SFMBT2: variants seen among roughly 807,000 people sequenced by gnomAD.
SFMBT2 encodes the protein Scm like with four mbt domains 2.
A neutral mutation model predicts 110.1 loss-of-function variants in SFMBT2; 38 were observed. That is an observed-to-expected ratio of 0.35 (90% CI 0.27 to 0.45). The LOEUF (loss-of-function observed/expected upper bound fraction) is 0.45. Among genes scored for constraint, SFMBT2 ranks in the 20% least tolerant of loss-of-function variants. The pLI, the probability that SFMBT2 is intolerant of heterozygous loss-of-function variation, is 1.00. For missense variants in SFMBT2, 1,011 were observed against 1,094.9 expected, an observed-to-expected ratio of 0.92 and a Z score of 1.08; for synonymous variants, 425 against 425.4, an observed-to-expected ratio of 1.00 and a Z score of 0.01.
At chr10:7,387,873 G>A (rs977331966) in intron 1 of SFMBT2, among the ~76,000 whole-genome samples, 5 of 151,528 alleles carry the variant, frequency 3.3e-5, no homozygotes, top group African/African-American at 7.3e-5. Context: ...GCTTGAACCC[G>A]GGAGGCAGAG....
At chr10:7,255,336 GA>G (rs1840966242) in intron 7 of SFMBT2, among the ~76,000 whole-genome samples, 2 of 152,172 alleles carry the variant, frequency 1.3e-5, no homozygotes, top group African/African-American at 4.8e-5. Flanking sequence ...GCAATTATTG[GA>G]TCAAGAATGA....
At chr10:7,390,858 G>C (rs1845743209) in intron 1 of SFMBT2, among the ~76,000 whole-genome samples, 1 of 152,200 alleles carries the variant, frequency 6.6e-6, no homozygotes, top group Non-Finnish European at 1.5e-5. Context: ...CCAGCACTTT[G>C]GGAAGCTGAA....
At chr10:7,371,920 A>T (rs958517490) in intron 2 of SFMBT2, among the ~76,000 whole-genome samples, 24 of 77,742 alleles carry the variant, frequency 3.1e-4, no homozygotes, top group Admixed American at 5.7e-4. Flanking sequence ...TCCACCTGTA[A>T]TTTTTTTTTT....
In SFMBT2 at chr10:7,167,983, G is replaced by A. The variant is rs551552729; in HGVS notation, c.2544+2945C>T. On this transcript the variant is annotated intron_variant, in intron 20 of 20. Transcript: ENST00000397167. ...CTCAGGAGGCTGAGGCAGGAGAATC[G>A]CTTGAACCCGGGAGGCGGAGGTTGC... Among the ~76,000 whole-genome samples the A allele has an allele frequency of 6.6e-4, 101 of 152,036 alleles. 1 individual carries two copies. Among genetic ancestry groups the A allele is most frequent in the African/African-American group, 2.3e-3 (94 of 41,490 alleles).
intron 7 of SFMBT2, among the ~76,000 whole-genome samples, chr10:7,248,854 G>A (rs949103651): frequency 1.3e-5 from 2 of 152,166 alleles, no homozygotes; most frequent in Non-Finnish European, 2.9e-5. Flanking sequence ...CAAGGGAGAG[G>A]CAACAAGGCT....
At chr10:7,376,036 C>T (rs573021149) in intron 2 of SFMBT2, among the ~76,000 whole-genome samples, 2 of 152,294 alleles carry the variant, frequency 1.3e-5, no homozygotes, top group African/African-American at 4.8e-5. Flanking sequence ...TCCACTGAGG[C>T]TCACCCTGTC....
chr10:7,296,869 T>C (rs1466825150), intron 4 of SFMBT2, among the ~76,000 whole-genome samples: 1 of 152,224 alleles, frequency 6.6e-6, no homozygotes, highest in Non-Finnish European at 1.5e-5. Context: ...TGACCTCCCC[T>C]GAGCAAGAGG....
At chr10:7,231,656 T>C (rs955186872) in intron 9 of SFMBT2, among the ~76,000 whole-genome samples, 2 of 152,150 alleles carry the variant, frequency 1.3e-5, no homozygotes, top group African/African-American at 4.8e-5. Flanking sequence ...AATTTCTAGA[T>C]AAAATCAAGT....
chr10:7,386,585 G>C (rs539426995), intron 1 of SFMBT2, among the ~76,000 whole-genome samples: 1 of 152,214 alleles, frequency 6.6e-6, no homozygotes, highest in Non-Finnish European at 1.5e-5. Context: ...TCCAGCCTAG[G>C]AGTCGGAGCA....
At chr10:7,260,713 A>T (rs1841166045) in intron 7 of SFMBT2, among the ~76,000 whole-genome samples, 1 of 152,092 alleles carries the variant, frequency 6.6e-6, no homozygotes, top group Admixed American at 6.6e-5. Flanking sequence ...CCCAGTGCAG[A>T]CAGTTATTTG....
At chr10:7,213,495 G>A (rs915507270) in intron 11 of SFMBT2, among the ~76,000 whole-genome samples, 15 of 152,190 alleles carry the variant, frequency 9.9e-5, no homozygotes, top group Non-Finnish European at 1.9e-4. Flanking sequence ...AGGAATTATT[G>A]TAGAGTTTCT....
intron 11 of SFMBT2, among the ~76,000 whole-genome samples, chr10:7,213,893 G>A (rs1839442266): frequency 6.6e-6 from 1 of 152,228 alleles, no homozygotes; most frequent in Non-Finnish European, 1.5e-5. Flanking sequence ...ACGAGGCCAC[G>A]CTGGGCACAG....
chr10:7,277,949 T>C (rs189467084), intron 6 of SFMBT2, among the ~76,000 whole-genome samples: 205 of 152,382 alleles, frequency 1.3e-3, no homozygotes, highest in Admixed American at 0.013. Flanking sequence ...TGAACTCACC[T>C]TGAGCTTTAA....
intron 10 of SFMBT2, among the ~76,000 whole-genome samples, chr10:7,227,104 C>T (rs1228254605): frequency 2.0e-5 from 3 of 152,140 alleles, no homozygotes; most frequent in Non-Finnish European, 4.4e-5. Flanking sequence ...TTATTATGTT[C>T]CAATTAGCTC....
At chr10:7,398,509 G>C (rs1456656067) in intron 1 of SFMBT2, among the ~76,000 whole-genome samples, 1 of 152,262 alleles carries the variant, frequency 6.6e-6, no homozygotes, top group Non-Finnish European at 1.5e-5. Flanking sequence ...GGTACTTCTT[G>C]TACCAGATAT....
At chr10:7,394,575 C>T (rs1450531153) in intron 1 of SFMBT2, among the ~76,000 whole-genome samples, 1 of 150,632 alleles carries the variant, frequency 6.6e-6, no homozygotes, top group Non-Finnish European at 1.5e-5. Flanking sequence ...TAGGTCTCTG[C>T]AAACACGCCA....
At chr10:7,401,547 T>C (rs944696699) in intron 1 of SFMBT2, among the ~76,000 whole-genome samples, 2 of 152,116 alleles carry the variant, frequency 1.3e-5, no homozygotes, top group Non-Finnish European at 2.9e-5. Context: ...ATGAAAGTAA[T>C]TGACAAAAGA....
At chr10:7,314,976 GGGAGAA>G (rs1205388727) in intron 4 of SFMBT2, among the ~76,000 whole-genome samples, 19 of 144,694 alleles carry the variant, frequency 1.3e-4, no homozygotes, top group African/African-American at 3.9e-4. Flanking sequence ...GAGAGAGAGA[GGGAGAA>G]AGAGAAAGAA....
At chr10:7,182,561 T>C in intron 16 of SFMBT2, among the ~76,000 whole-genome samples, 1 of 151,954 alleles carries the variant, frequency 6.6e-6, no homozygotes, top group Non-Finnish European at 1.5e-5. Context: ...GTTCATGTCC[T>C]TGGTAGGGAC....
Sources: gnomAD v4.1 joint callset for allele counts (sites outside exome capture counted in the v4.1 genomes callset) on GRCh38, gnomAD v4.1.1 for gene constraint, MANE v1.5 for transcripts, NCBI Gene and HGNC (gene_info 2026-07-23, HGNC 2026-07-21) for gene names.